PHKB: variants seen among roughly 807,000 people sequenced by gnomAD.
The protein encoded by PHKB is phosphorylase kinase regulatory subunit beta.
PHKB carries 122 observed loss-of-function variants against 152.1 expected under a neutral mutation model. The observed-to-expected ratio is 0.80, with a 90% CI of 0.69 to 0.93. The LOEUF is 0.93. PHKB is among the 40% of genes least tolerant of loss of function. PHKB has a pLI of 0.00. For missense variants in PHKB, 1,304 were observed against 1,328.4 expected, an observed-to-expected ratio of 0.98 and a Z score of 0.29; for synonymous variants, 436 against 464.9, an observed-to-expected ratio of 0.94 and a Z score of 0.80.
chr16:47,518,820 C>A (rs1970639537), intron 6 of PHKB, among the ~76,000 whole-genome samples: 1 of 152,118 alleles, frequency 6.6e-6, no homozygotes, highest in African/African-American at 2.4e-5. Flanking sequence ...ATAGAGATAA[C>A]TTATTTACAT....
At chr16:47,690,929 G>A (rs973541796) in intron 27 of PHKB, among the ~76,000 whole-genome samples, 1 of 152,088 alleles carries the variant, frequency 6.6e-6, no homozygotes, top group Admixed American at 6.5e-5. Context: ...CATTGAAAAG[G>A]GCATGATGGG....
intron 13 of PHKB, among the ~76,000 whole-genome samples, chr16:47,602,542 CTTT>C (rs34655174): frequency 8.2e-6 from 1 of 122,678 alleles, no homozygotes; most frequent in African/African-American, 3.1e-5. Flanking sequence ...GCTTCTCTTC[CTTT>C]TTTTTTTTTT....
chr16:47,573,754 G>A (rs560179113), intron 7 of PHKB, among the ~76,000 whole-genome samples: 2 of 152,212 alleles, frequency 1.3e-5, no homozygotes, highest in East Asian at 3.9e-4. Flanking sequence ...TCTGATCAAT[G>A]GGGTTTATAC....
Position 47,515,610 on chromosome 16 carries a change from T to C in PHKB, c.594+9T>C. On this transcript the variant is annotated intron_variant, in intron 6 of 30. Coordinates refer to ENST00000323584, the MANE Select transcript of PHKB (RefSeq NM_000293.3). ...TCTACAACACTGATGAGGTATGCTT[T>C]CCCCAAATTTTCTATTACTAAATTT... 3.4e-6 allele frequency: 4 copies of C among 1,182,572 alleles called. No individual in the cohort carries two copies. Among genetic ancestry groups the C allele is most frequent in the Non-Finnish European group, 5.1e-6 (4 of 787,098 alleles). 73.3% of individuals were successfully genotyped at this position (1,182,572 alleles called of 1,614,324 possible).
chr16:47,601,858 T>G (rs890957255), intron 13 of PHKB, among the ~76,000 whole-genome samples: 1 of 152,228 alleles, frequency 6.6e-6, no homozygotes, highest in South Asian at 2.1e-4. Flanking sequence ...ACTTTACATA[T>G]TGTATAATTT....
chr16:47,634,628 G>T (rs1362820731), intron 14 of PHKB, among the ~76,000 whole-genome samples: 1 of 152,202 alleles, frequency 6.6e-6, no homozygotes, highest in Admixed American at 6.5e-5. Flanking sequence ...CAGGGATGAT[G>T]GTTGAGACCT....
rs377325578 is a variant in PHKB at position 47,678,405 on chromosome 16, C to A, written c.2630+8988C>A. Among the ~76,000 whole-genome samples the A allele has an allele frequency of 4.2e-3, 634 of 152,176 alleles. 2 individuals carry two copies. Among genetic ancestry groups the A allele is most frequent in the African/African-American group, 0.012 (488 of 41,484 alleles). On this transcript the variant is annotated intron_variant, in intron 26 of 30. Coordinates refer to ENST00000323584, the MANE Select transcript of PHKB (RefSeq NM_000293.3). Reference sequence around the variant, plus strand: ...CCACCAACAGTGTAAAAGTGTTCCTCTTTCTCCACATCCTCTCCAGCACCT... The same window carrying A: ...CCACCAACAGTGTAAAAGTGTTCCTATTTCTCCACATCCTCTCCAGCACCT...
At position 47,547,560 on chromosome 16, in the gene PHKB, A is replaced by C. The variant is rs542318460; in HGVS notation, c.710+12A>C. ...GAGCTACATTCGAGGTAATTTGCTG[A>C]TTTCTGAGGTTTTTTTTTTAAATTA... is the stretch of plus-strand genomic sequence containing the variant. On this transcript the variant is annotated intron_variant, in intron 7 of 30. Coordinates refer to ENST00000323584, the MANE Select transcript of PHKB (RefSeq NM_000293.3). The C allele has an allele frequency of 3.6e-4, 517 of 1,427,708 alleles. 8 individuals are homozygous for C. In the South Asian group the frequency reaches 5.8e-3, roughly 16 times the overall value. The allele number at this position is 1,427,708 out of a possible 1,614,324, so 88.4% of individuals were successfully genotyped here.
At chr16:47,574,543 G>C (rs1597096353) in intron 7 of PHKB, among the ~76,000 whole-genome samples, 2 of 152,318 alleles carry the variant, frequency 1.3e-5, no homozygotes, top group East Asian at 3.9e-4. Context: ...TCTGGAGCCT[G>C]GGTAGTTTAT....
At chr16:47,597,964 C>A (rs1441313832) in intron 13 of PHKB, 2 of 151,816 alleles carry the variant, frequency 1.3e-5, no homozygotes, top group Admixed American at 6.6e-5. Context: ...TTCAACTGTA[C>A]AATGTATTCT....
rs1971555958 is a variant in PHKB, at chr16:47,565,866, G to A, written c.711-14429G>A. 1.5e-5 allele frequency: 18 copies of A among 1,240,928 alleles called. No individual in the cohort carries two copies. The South Asian group carries it at 2.1e-4, about 15-fold the overall frequency. 76.9% of individuals were successfully genotyped at this position (1,240,928 alleles called of 1,614,324 possible). A position where few individuals can be genotyped will look rare whatever the true frequency, so the allele number is the denominator to read the frequency against. The stretch of plus-strand genomic sequence containing the variant: ...TTGACTGGACTGGGAGGTACTAGCA[G>A]AGGAATTATCTTCCTTAGGAGTACT... On this transcript the variant is annotated intron_variant, in intron 7 of 30. Coordinates refer to ENST00000323584, the MANE Select transcript of PHKB (RefSeq NM_000293.3).
At chr16:47,662,792 C>T (rs192847524) in intron 23 of PHKB, among the ~76,000 whole-genome samples, 4 of 152,194 alleles carry the variant, frequency 2.6e-5, no homozygotes, top group African/African-American at 9.6e-5. Flanking sequence ...TTGAAATTTG[C>T]ACTTTATCTA....
At chr16:47,681,532 C>G (rs375558198) in intron 26 of PHKB, among the ~76,000 whole-genome samples, 2 of 151,732 alleles carry the variant, frequency 1.3e-5, no homozygotes, top group South Asian at 4.2e-4. Flanking sequence ...TAATGGCGTT[C>G]TTTGTCTCTT....
intron 14 of PHKB, among the ~76,000 whole-genome samples, chr16:47,623,266 G>T (rs556727322): frequency 6.6e-6 from 1 of 151,988 alleles, no homozygotes; most frequent in African/African-American, 2.4e-5. Context: ...TATTATATAA[G>T]TAATATTTCT....
chr16:47,580,864 GA>G (rs1328671457), intron 8 of PHKB, among the ~76,000 whole-genome samples: 3 of 150,250 alleles, frequency 2.0e-5, no homozygotes, highest in African/African-American at 4.9e-5. Flanking sequence ...CTCTGGGGAT[GA>G]AAAAAAAACC....
intron 7 of PHKB, among the ~76,000 whole-genome samples, chr16:47,554,960 T>G (rs755514391): frequency 2.6e-5 from 4 of 152,234 alleles, no homozygotes; most frequent in Non-Finnish European, 4.4e-5. Flanking sequence ...CTGTTCCTAT[T>G]TGGCCATCTT....
chr16:47,486,319 G>A (rs1970049080), intron 1 of PHKB, among the ~76,000 whole-genome samples: 1 of 152,150 alleles, frequency 6.6e-6, no homozygotes, highest in East Asian at 1.9e-4. Context: ...ATCCAAAGTT[G>A]AGAATGTATT....
intron 6 of PHKB, among the ~76,000 whole-genome samples, chr16:47,536,498 G>GA (rs1253476128): frequency 1.3e-5 from 2 of 152,100 alleles, no homozygotes; most frequent in East Asian, 3.8e-4. Context: ...TTTCTTATGT[G>GA]AAAAAACATT....
chr16:47,527,706 G>A (rs922540082), intron 6 of PHKB, among the ~76,000 whole-genome samples: 1 of 152,216 alleles, frequency 6.6e-6, no homozygotes, highest in Non-Finnish European at 1.5e-5. Flanking sequence ...TATAAACATA[G>A]TGTTTTAAAG....
Sources: gnomAD v4.1 joint callset for allele counts (sites outside exome capture counted in the v4.1 genomes callset) on GRCh38, gnomAD v4.1.1 for gene constraint, MANE v1.5 for transcripts, NCBI Gene and HGNC (gene_info 2026-07-23, HGNC 2026-07-21) for gene names.